PEX14: variants seen among roughly 807,000 people sequenced by gnomAD.
PEX14 encodes peroxisomal membrane protein PEX14.
A neutral mutation model predicts 49.5 loss-of-function variants in PEX14; 15 were observed. The observed-to-expected ratio is 0.30, with a 90% CI of 0.20 to 0.47. The LOEUF (loss-of-function observed/expected upper bound fraction) is 0.47, where lower values mean the gene tolerates loss of function less well. PEX14 is among the 20% of genes least tolerant of loss of function. PEX14 has a pLI of 1.00. For missense variants in PEX14, 398 were observed against 494.8 expected (o/e 0.80, Z 1.86); for synonymous variants, 210 against 212.7 (o/e 0.99, Z 0.11).
At chr1:10,491,674 CTTTTTTTTTT>C (rs5772417) in intron 1 of PEX14, among the ~76,000 whole-genome samples, 1 of 55,116 alleles carries the variant, frequency 1.8e-5, no homozygotes, top group Admixed American at 2.4e-4. Context: ...GGCCATGCTC[CTTTTTTTTTT>C]TTTTTTTTTT....
At position 10,576,811 on chromosome 1, in the gene PEX14, G is replaced by A. The variant is rs1640128637; in HGVS notation, c.170-22427G>A. Among the ~76,000 whole-genome samples, 7 of 150,102 alleles carry A rather than the reference G, an allele frequency of 4.7e-5. No homozygotes were observed. The South Asian group carries it at 1.5e-3, about 32-fold the overall frequency. ...TTGCTCGTATCGCCCAAGCTGGAGTGCGTGGCGCGATCTCAGCACACTGCA... is the reference window on the plus strand; with the variant it reads ...TTGCTCGTATCGCCCAAGCTGGAGTACGTGGCGCGATCTCAGCACACTGCA... On this transcript the variant is annotated intron_variant, in intron 3 of 8. Coordinates refer to ENST00000356607, the MANE Select transcript of PEX14 (RefSeq NM_004565.3).
At chr1:10,625,540 C>T (rs954580285) in intron 7 of PEX14, among the ~76,000 whole-genome samples, 1 of 152,230 alleles carries the variant, frequency 6.6e-6, no homozygotes, top group African/African-American at 2.4e-5. Flanking sequence ...GAATCTCCCC[C>T]CTGGATATCC....
rs897266967 is a variant in PEX14 at position 10,606,724 on chromosome 1, C to A, written c.298+7358C>A. ...TAAAGTTGCATTAGAATTCTCAGGT[C>A]TGGCTTCTTCTCTTGGTCCCAGCTG... On this transcript the variant is annotated intron_variant, in intron 4 of 8. Transcript: ENST00000356607. Among the ~76,000 whole-genome samples, 3 of 152,204 alleles carry A rather than the reference C, an allele frequency of 2.0e-5. No homozygotes were observed. The South Asian group carries it at 6.2e-4, about 31-fold the overall frequency.
At chr1:10,555,076 C>T (rs937606041) in intron 3 of PEX14, among the ~76,000 whole-genome samples, 10 of 152,032 alleles carry the variant, frequency 6.6e-5, no homozygotes, top group Admixed American at 3.3e-4. Flanking sequence ...TGCTGGCCAT[C>T]GCGGGAACAC....
chr1:10,571,969 A>G (rs922792751), intron 3 of PEX14, among the ~76,000 whole-genome samples: 8 of 152,192 alleles, frequency 5.3e-5, no homozygotes, highest in African/African-American at 1.7e-4. Flanking sequence ...ATCAGTTTGT[A>G]GGATATCTGG....
intron 1 of PEX14, among the ~76,000 whole-genome samples, chr1:10,487,563 C>A (rs1641393104): frequency 7.2e-6 from 1 of 139,736 alleles, no homozygotes; most frequent in African/African-American, 2.6e-5. Flanking sequence ...CAGCTCACTG[C>A]AACCTCTACC....
rs1640867733 is a variant in PEX14 at position 10,597,677 on chromosome 1, G to A, written c.170-1561G>A. On this transcript the variant is annotated intron_variant, in intron 3 of 8. Transcript: ENST00000356607. This position sits in a 1 kb window ranked among gnomAD's most constrained non-coding sequence, Gnocchi z 5.7. ...GAGCATGGTGCTATCAGGGCAACCC[G>A]GTGGCTCTTCAGACTTCCCAGTGGT... 1.3e-5 allele frequency among the ~76,000 whole-genome samples: 2 copies of A among 152,178 alleles called. No homozygotes were observed. Among genetic ancestry groups the A allele is most frequent in the South Asian group, 2.1e-4 (1 of 4,826 alleles).
intron 5 of PEX14, among the ~76,000 whole-genome samples, 182 bp downstream of exon 5, chr1:10,618,599 G>A (rs1267398088): frequency 4.6e-5 from 7 of 152,210 alleles, no homozygotes; most frequent in East Asian, 3.9e-4. Flanking sequence ...GCCCTGCTGT[G>A]GGGCTTGGCA....
rs926995756 is a variant in PEX14 at position 10,630,504 on chromosome 1, C to T, written c.*517C>T. 49 of 158,754 alleles carry T rather than the reference C, an allele frequency of 3.1e-4. No homozygotes were observed. Among genetic ancestry groups the T allele is most frequent in the Admixed American group, 1.0e-3 (17 of 16,710 alleles). The allele number at this position is 158,754 out of a possible 1,614,324, so 9.8% of individuals were successfully genotyped here. A position where few individuals can be genotyped will look rare whatever the true frequency, so the allele number is the denominator to read the frequency against. ...CCCAGCCCCAACCCCACTCATGCCC[C>T]GTCGTCCTCCCAGACAAATGAAACC... On this transcript the variant is annotated 3_prime_UTR_variant, in exon 9 of 9. Transcript: ENST00000356607. The surrounding 1 kb of genome is among the most constrained non-coding windows in gnomAD (Gnocchi z 4.1).
intron 1 of PEX14, among the ~76,000 whole-genome samples, chr1:10,481,044 C>T (rs950337061): frequency 6.6e-6 from 1 of 151,250 alleles, no homozygotes; most frequent in African/African-American, 2.4e-5. Flanking sequence ...AGAATCTGCA[C>T]TCAAATTTTC....
intron 3 of PEX14, among the ~76,000 whole-genome samples, chr1:10,582,826 C>T (rs116650196): frequency 0.036 from 5,492 of 152,092 alleles, 119 homozygotes; most frequent in South Asian, 0.052. Context: ...CTCCGCCTCC[C>T]GGATTCAATC....
intron 1 of PEX14, among the ~76,000 whole-genome samples, chr1:10,484,171 G>A (rs1378292328): frequency 8.3e-6 from 1 of 120,086 alleles, no homozygotes; most frequent in Non-Finnish European, 2.0e-5. Flanking sequence ...GGGATTACAG[G>A]CGCCCACCAC....
At chr1:10,497,432 G>GA (rs1641589168) in intron 2 of PEX14, among the ~76,000 whole-genome samples, 1 of 152,214 alleles carries the variant, frequency 6.6e-6, no homozygotes, top group Non-Finnish European at 1.5e-5. Context: ...GCTGTCTCCT[G>GA]CATGCTCAGC....
chr1:10,493,531 G>T (rs1641506293), intron 1 of PEX14, among the ~76,000 whole-genome samples: 1 of 152,068 alleles, frequency 6.6e-6, no homozygotes, highest in Admixed American at 6.6e-5. Flanking sequence ...AGGCTCAAGG[G>T]ATCCTTCTGC....
chr1:10,519,244 C>T (rs1209320468), intron 2 of PEX14, among the ~76,000 whole-genome samples: 22 of 152,138 alleles, frequency 1.4e-4, no homozygotes, highest in Non-Finnish European at 3.1e-4. Flanking sequence ...TTAGGCGTGC[C>T]CTGTGCTGGA....
At chr1:10,618,939 C>T (rs1186923456) in intron 5 of PEX14, among the ~76,000 whole-genome samples, 1 of 152,226 alleles carries the variant, frequency 6.6e-6, no homozygotes, top group African/African-American at 2.4e-5. Context: ...GACTCAGAGC[C>T]ATGCCCGGCA....
At chr1:10,488,348 G>A (rs1641408440) in intron 1 of PEX14, among the ~76,000 whole-genome samples, 1 of 151,734 alleles carries the variant, frequency 6.6e-6, no homozygotes, top group Admixed American at 6.6e-5. Flanking sequence ...GTGGAGATGC[G>A]GTTTCACTGT....
chr1:10,518,546 C>T (rs1642010846), intron 2 of PEX14, among the ~76,000 whole-genome samples: 1 of 152,100 alleles, frequency 6.6e-6, no homozygotes, highest in Non-Finnish European at 1.5e-5. Flanking sequence ...TTGGGAAATC[C>T]ACGGGTGAAC....
chr1:10,540,344 A>G (rs1220259911), intron 3 of PEX14, among the ~76,000 whole-genome samples: 2 of 152,146 alleles, frequency 1.3e-5, no homozygotes, highest in Non-Finnish European at 2.9e-5. Context: ...ATTTACGTCT[A>G]TTTCATGAGG....
Sources: allele counts gnomAD v4.1 joint callset (sites outside exome capture counted in the v4.1 genomes callset), GRCh38; gene constraint gnomAD v4.1.1; non-coding constraint Gnocchi (gnomAD v3.1); transcripts MANE v1.5; gene names NCBI Gene and HGNC (gene_info 2026-07-23, HGNC 2026-07-21).